PUS10: variants seen among roughly 807,000 people sequenced by gnomAD.
PUS10 encodes the protein tRNA pseudouridine synthase Pus10.
Under a neutral mutation model 75.0 loss-of-function variants are expected in PUS10, and 59 were observed. That is an observed-to-expected ratio of 0.79 (90% CI 0.64 to 0.98). The LOEUF is 0.98. Among genes scored for constraint, PUS10 ranks in the 50% least tolerant of loss-of-function variants. The pLI is 0.00. For synonymous variants in PUS10, 219 were observed against 211.6 expected (o/e 1.03, Z -0.30); for missense variants, 650 against 614.4 (o/e 1.06, Z -0.61).
At chr2:60,995,996 T>G (rs1678435411) in intron 4 of PUS10, among the ~76,000 whole-genome samples, 1 of 152,212 alleles carries the variant, frequency 6.6e-6, no homozygotes, top group Non-Finnish European at 1.5e-5. Context: ...AGATGCATCT[T>G]TAAGCATTTA....
chr2:61,017,684 C>G, intron 1 of PUS10: 3 of 1,232,092 alleles, frequency 2.4e-6, no homozygotes, highest in Non-Finnish European at 3.5e-6. Flanking sequence ...CCCGTTGTGT[C>G]TTACGCTCCA....
intron 1 of PUS10, among the ~76,000 whole-genome samples, chr2:61,015,965 A>G (rs1679950543): frequency 6.6e-6 from 1 of 152,248 alleles, no homozygotes; most frequent in South Asian, 2.1e-4. Flanking sequence ...TTTAACTCAA[A>G]AAGAGACAGA....
chr2:61,003,482 G>A (rs1200647048), intron 4 of PUS10, among the ~76,000 whole-genome samples: 1 of 150,612 alleles, frequency 6.6e-6, no homozygotes, highest in African/African-American at 2.4e-5. Flanking sequence ...AAAAAAAATT[G>A]CTGTCATCAG....
chr2:60,994,126 C>G (rs1440291397), intron 4 of PUS10, among the ~76,000 whole-genome samples: 1 of 151,636 alleles, frequency 6.6e-6, no homozygotes, highest in Non-Finnish European at 1.5e-5. Flanking sequence ...TGGCCAAAGA[C>G]TATTTTGCTG....
At chr2:60,981,629 T>A (rs1332047189) in intron 4 of PUS10, among the ~76,000 whole-genome samples, 2 of 152,226 alleles carry the variant, frequency 1.3e-5, no homozygotes, top group Non-Finnish European at 2.9e-5. Flanking sequence ...AAGTAATAAA[T>A]CCATTATGTG....
chr2:60,983,975 T>G (rs893907549), intron 4 of PUS10, among the ~76,000 whole-genome samples: 1 of 151,000 alleles, frequency 6.6e-6, no homozygotes, highest in Non-Finnish European at 1.5e-5. Context: ...AGAAAAAAAA[T>G]TATGGGAAAA....
intron 5 of PUS10, among the ~76,000 whole-genome samples, chr2:60,970,617 A>G (rs1345088200): frequency 6.6e-6 from 1 of 152,180 alleles, no homozygotes; most frequent in Non-Finnish European, 1.5e-5. Context: ...AGAAATATTA[A>G]TATGTTTGAT....
chr2:61,017,534 C>G, intron 1 of PUS10: 1 of 520,612 alleles, frequency 1.9e-6, no homozygotes, highest in Non-Finnish European at 3.4e-6. Context: ...AGAAAGGCAG[C>G]TCTTTCTGGG....
chr2:61,014,570 A>G (rs906786003), intron 1 of PUS10, among the ~76,000 whole-genome samples: 2 of 152,216 alleles, frequency 1.3e-5, no homozygotes, highest in African/African-American at 4.8e-5. Context: ...TAAAAATTCA[A>G]ACAACCTAAT....
intron 4 of PUS10, among the ~76,000 whole-genome samples, chr2:60,985,892 T>A (rs1266545017): frequency 1.4e-5 from 2 of 140,284 alleles, no homozygotes; most frequent in African/African-American, 2.7e-5. Context: ...TTCAGAAATA[T>A]GCTCGTAAGA....
chr2:60,971,035 C>G (rs944803103), intron 5 of PUS10, among the ~76,000 whole-genome samples: 1 of 151,842 alleles, frequency 6.6e-6, no homozygotes, highest in African/African-American at 2.4e-5. Flanking sequence ...CAAAAATTAG[C>G]CAGGCATGGT....
intron 4 of PUS10, among the ~76,000 whole-genome samples, chr2:60,986,239 T>C (rs1677717890): frequency 6.6e-6 from 1 of 152,236 alleles, no homozygotes; most frequent in Admixed American, 6.5e-5. Context: ...CATTAAAAGA[T>C]AACTCCAAGG....
At chr2:60,944,129 A>G (rs928422102) in intron 17 of PUS10, 2 of 581,542 alleles carry the variant, frequency 3.4e-6, no homozygotes, top group African/African-American at 4.1e-5. Context: ...CCCTGTCTCA[A>G]AAAAAAAAAA....
At chr2:60,975,207 C>T (rs188106110) in intron 4 of PUS10, among the ~76,000 whole-genome samples, 10 of 152,188 alleles carry the variant, frequency 6.6e-5, no homozygotes, top group Admixed American at 3.9e-4. Context: ...AGTGCTATGG[C>T]GTGATCTCGG....
chr2:60,966,433 T>C (rs867645589), intron 6 of PUS10: 1 of 152,226 alleles, frequency 6.6e-6, no homozygotes, highest in Non-Finnish European at 1.5e-5. Context: ...CAATAATGAA[T>C]AGCTTTTTTT....
At chr2:60,995,005 G>A (rs1450133560) in intron 4 of PUS10, among the ~76,000 whole-genome samples, 2 of 152,130 alleles carry the variant, frequency 1.3e-5, no homozygotes, top group Admixed American at 6.5e-5. Flanking sequence ...CAGGAGAATC[G>A]CTAGAACCCG....
chr2:61,017,765 G>A (rs573461186), intron 1 of PUS10: 3 of 1,549,518 alleles, frequency 1.9e-6, no homozygotes, highest in South Asian at 2.4e-5. Flanking sequence ...AGGAGATGGC[G>A]TCCCAGCCGC....
chr2:60,981,390 C>T (rs1043301975), intron 4 of PUS10, among the ~76,000 whole-genome samples: 1 of 152,122 alleles, frequency 6.6e-6, no homozygotes, highest in South Asian at 2.1e-4. Flanking sequence ...TCAAGCGATT[C>T]TCCTGCCTCA....
intron 4 of PUS10, among the ~76,000 whole-genome samples, chr2:60,985,865 G>T (rs1173504816): frequency 6.1e-5 from 9 of 147,210 alleles, no homozygotes; most frequent in African/African-American, 2.0e-4. Context: ...GTTTACTCTA[G>T]GTTGGGTCTG....
Sources: gnomAD v4.1 joint callset for allele counts (sites outside exome capture counted in the v4.1 genomes callset) on GRCh38, gnomAD v4.1.1 for gene constraint, MANE v1.5 for transcripts, NCBI Gene and HGNC (gene_info 2026-07-23, HGNC 2026-07-21) for gene names.